RARB: variants seen among roughly 807,000 people sequenced by gnomAD.
RARB encodes HBV-activated protein.
In RARB, 17 loss-of-function variants were observed where a neutral mutation model predicts 51.9. That is an observed-to-expected ratio of 0.33 (90% confidence interval 0.22 to 0.49). The LOEUF (loss-of-function observed/expected upper bound fraction) is 0.49, where lower values mean the gene tolerates loss of function less well. Ranked by LOEUF, RARB falls within the 20% of genes least tolerant of loss-of-function variation. RARB has a pLI of 0.99. For synonymous variants in RARB, 215 were observed against 195.4 expected, an observed-to-expected ratio of 1.10 and a Z score of -0.84; for missense variants, 369 against 550.8, an observed-to-expected ratio of 0.67 and a Z score of 3.30.
intron 3 of RARB, among the ~76,000 whole-genome samples, chr3:25,538,075 A>G (rs1481828957): frequency 6.6e-6 from 1 of 152,194 alleles, no homozygotes; most frequent in African/African-American, 2.4e-5. Context: ...ATCAACAATG[A>G]AACTTTTTTT....
chr3:25,401,350 A>G (rs139702865), intron 5 of RARB, among the ~76,000 whole-genome samples: 61 of 152,318 alleles, frequency 4.0e-4, no homozygotes, highest in African/African-American at 1.4e-3. Flanking sequence ...GAAGAATGAT[A>G]GCCCTTATAA....
At chr3:24,902,907 T>C (rs999338240) in intron 2 of RARB, among the ~76,000 whole-genome samples, 7 of 152,156 alleles carry the variant, frequency 4.6e-5, no homozygotes, top group African/African-American at 7.2e-5. Context: ...CATAGTAAGA[T>C]GAAAGTATTT....
intron 1 of RARB, among the ~76,000 whole-genome samples, chr3:25,455,323 T>TG (rs1694851363): frequency 1.3e-5 from 2 of 152,274 alleles, no homozygotes; most frequent in African/African-American, 4.8e-5. Flanking sequence ...CATGAGGGAT[T>TG]GGGGGAAAGA....
At chr3:25,383,819 A>G (rs749050269) in intron 5 of RARB, among the ~76,000 whole-genome samples, 12 of 151,628 alleles carry the variant, frequency 7.9e-5, no homozygotes, top group Non-Finnish European at 1.5e-4. Flanking sequence ...AATCCCAGCT[A>G]CTCGGGAGGC....
chr3:25,060,575 C>A (rs1229234956), intron 3 of RARB, among the ~76,000 whole-genome samples: 1 of 151,722 alleles, frequency 6.6e-6, no homozygotes, highest in South Asian at 2.1e-4. Context: ...TGACTACATT[C>A]CAATAAAATG....
At chr3:25,501,565 T>C (rs1697317516) in intron 3 of RARB, among the ~76,000 whole-genome samples, 3 of 152,216 alleles carry the variant, frequency 2.0e-5, no homozygotes, top group African/African-American at 7.2e-5. Flanking sequence ...AAGCAGTGGC[T>C]AACTCACTGT....
chr3:25,590,390 A>G (rs112664582), intron 5 of RARB, among the ~76,000 whole-genome samples: 60 of 152,142 alleles, frequency 3.9e-4, no homozygotes, highest in African/African-American at 1.3e-3. Flanking sequence ...TTTGCAGGGG[A>G]CAGATCTCAT....
At chr3:25,004,345 A>G (rs1054934435) in intron 2 of RARB, among the ~76,000 whole-genome samples, 3 of 152,124 alleles carry the variant, frequency 2.0e-5, no homozygotes, top group Non-Finnish European at 4.4e-5. Context: ...CTATAACAGG[A>G]TAGCTGAGAC....
rs1695739567 is a variant in RARB, at chr3:24,944,784, T to C, written c.-380+86032T>C. On this transcript the variant is annotated intron_variant, in intron 2 of 11. Transcript: ENST00000383772. ...ATATTCTTAACCATCTGGATGACCA[T>C]ATTGTGATGGTGTTTACTATGATGT... is the stretch of plus-strand genomic sequence containing the variant. Among the ~76,000 whole-genome samples the C allele has an allele frequency of 2.0e-5, 3 of 152,230 alleles. No homozygotes were observed. In the South Asian group the frequency reaches 6.2e-4, roughly 32 times the overall value.
intron 3 of RARB, among the ~76,000 whole-genome samples, chr3:25,551,880 A>T (rs543895583): frequency 1.6e-4 from 24 of 152,338 alleles, no homozygotes; most frequent in Non-Finnish European, 2.5e-4. Flanking sequence ...TCTGGAAGTT[A>T]GCAATAGTTC....
chr3:24,908,180 G>T (rs764191661), intron 2 of RARB, among the ~76,000 whole-genome samples: 14 of 152,096 alleles, frequency 9.2e-5, no homozygotes, highest in Non-Finnish European at 1.9e-4. Context: ...ACTGATTCTT[G>T]TTCAGATATT....
intron 3 of RARB, among the ~76,000 whole-genome samples, chr3:25,536,778 G>T (rs990652174): frequency 6.6e-6 from 1 of 152,192 alleles, no homozygotes; most frequent in Non-Finnish European, 1.5e-5. Flanking sequence ...GAGCAGAAAT[G>T]GTGAAAAGTT....
chr3:25,545,650 A>G (rs976049267), intron 3 of RARB, among the ~76,000 whole-genome samples: 4 of 152,110 alleles, frequency 2.6e-5, no homozygotes, highest in African/African-American at 7.2e-5. Flanking sequence ...ACCTCTCTGC[A>G]TTGTTCCTGT....
At chr3:25,534,522 G>C (rs1699057863) in intron 3 of RARB, among the ~76,000 whole-genome samples, 1 of 152,122 alleles carries the variant, frequency 6.6e-6, no homozygotes, top group Non-Finnish European at 1.5e-5. Flanking sequence ...CGCTCTTCCT[G>C]CTTTTCCTTC....
intron 5 of RARB, among the ~76,000 whole-genome samples, chr3:25,244,354 C>G (rs1389931685): frequency 6.7e-6 from 1 of 149,870 alleles, no homozygotes; most frequent in Non-Finnish European, 1.5e-5. Context: ...CTTCTGCTAG[C>G]TTTTAAATGT....
At chr3:25,393,783 T>C (rs1707039108) in intron 5 of RARB, among the ~76,000 whole-genome samples, 1 of 152,124 alleles carries the variant, frequency 6.6e-6, no homozygotes, top group Non-Finnish European at 1.5e-5. Context: ...CTAATTGAGC[T>C]TATTTGGATC....
chr3:24,925,728 C>T (rs1695307423), intron 2 of RARB, among the ~76,000 whole-genome samples: 1 of 149,970 alleles, frequency 6.7e-6, no homozygotes, highest in Non-Finnish European at 1.5e-5. Flanking sequence ...ATGCGGCAAG[C>T]TATTAATAGA....
intron 5 of RARB, among the ~76,000 whole-genome samples, chr3:25,250,311 G>A (rs1702680502): frequency 6.6e-6 from 1 of 152,202 alleles, no homozygotes; most frequent in South Asian, 2.1e-4. Context: ...TCCATGTGAT[G>A]TGTGCAGGCA....
intron 2 of RARB, among the ~76,000 whole-genome samples, chr3:24,957,206 C>T (rs562940590): frequency 6.6e-6 from 1 of 152,278 alleles, no homozygotes; most frequent in Admixed American, 6.5e-5. Flanking sequence ...CAGAATCCAA[C>T]ACAGAAGCCC....
Sources: allele counts gnomAD v4.1 joint callset (sites outside exome capture counted in the v4.1 genomes callset), GRCh38; gene constraint gnomAD v4.1.1; transcripts MANE v1.5; gene names NCBI Gene and HGNC (gene_info 2026-07-23, HGNC 2026-07-21).